Variants in ORC2 observed in about 807,000 individuals in gnomAD.
ORC2 encodes origin recognition complex protein 2 homolog.
ORC2 carries 37 observed loss-of-function variants against 77.7 expected under a neutral mutation model. That is an observed-to-expected ratio of 0.48 (90% confidence interval 0.37 to 0.63). The LOEUF is 0.63. ORC2 is among the 20% of genes least tolerant of loss of function. The pLI is 0.00. For missense variants in ORC2, 557 were observed against 661.9 expected, an observed-to-expected ratio of 0.84 and a Z score of 1.74; for synonymous variants, 201 against 229.5, an observed-to-expected ratio of 0.88 and a Z score of 1.12.
intron 4 of ORC2, among the ~76,000 whole-genome samples, chr2:200,954,238 T>G (rs866929023): frequency 6.6e-6 from 1 of 152,114 alleles, no homozygotes; most frequent in South Asian, 2.1e-4. Context: ...TTCGCCATGT[T>G]GGCCAGGCTG....
chr2:200,958,389 T>A lies in ORC2; in HGVS notation c.-10-256A>T, dbSNP rs1166679004. Reference sequence around the variant, plus strand: ...TCCAATCAAGGTAGCTAAAATATACTCAGAAAAATAAAATAAAATATTCTC... The same window carrying A: ...TCCAATCAAGGTAGCTAAAATATACACAGAAAAATAAAATAAAATATTCTC... On this transcript the variant is annotated intron_variant, in intron 2 of 17. Transcript: ENST00000234296. Among the ~76,000 whole-genome samples, 1 of 152,048 alleles carries A rather than the reference T, an allele frequency of 6.6e-6. No homozygotes were observed. The highest frequency in any genetic ancestry group is 2.1e-4 in the South Asian group (1 of 4,828).
intron 8 of ORC2, among the ~76,000 whole-genome samples, chr2:200,937,131 T>A (rs944431144): frequency 3.9e-5 from 6 of 152,152 alleles, no homozygotes; most frequent in African/African-American, 1.4e-4. Context: ...CTTCTTTACA[T>A]GTATGCTTCC....
In ORC2 at chr2:200,942,778, C is replaced by T. The variant is rs755233595; in HGVS notation, c.329-1G>A. 3.1e-6 allele frequency: 5 copies of T among 1,591,370 alleles called. No individual in the cohort carries two copies. Among genetic ancestry groups the T allele is most frequent in the Admixed American group, 1.7e-5 (1 of 58,688 alleles). The stretch of plus-strand genomic sequence containing the variant: ...TGTGGTGTTTTTGCTAGTTCTGAAG[C>T]TGTAAACAAAGAAATATATAAAAAC... On this transcript the variant is annotated splice_acceptor_variant, in intron 5 of 17. Coordinates refer to ENST00000234296, the MANE Select transcript of ORC2 (RefSeq NM_006190.5). LOFTEE classifies it high-confidence loss of function.
chr2:200,948,265 T>A (rs1184802981), intron 5 of ORC2, among the ~76,000 whole-genome samples: 1 of 152,032 alleles, frequency 6.6e-6, no homozygotes, highest in African/African-American at 2.4e-5. Context: ...CCCAGGCTGG[T>A]ACTGAACTAC....
At chr2:200,945,136 G>GT (rs1476339715) in intron 5 of ORC2, among the ~76,000 whole-genome samples, 1 of 152,144 alleles carries the variant, frequency 6.6e-6, no homozygotes, top group Non-Finnish European at 1.5e-5. Flanking sequence ...CCTTTGCTCT[G>GT]TATTAATCAT....
intron 7 of ORC2, among the ~76,000 whole-genome samples, chr2:200,940,251 T>G (rs1333408086): frequency 6.6e-6 from 1 of 152,214 alleles, no homozygotes. Flanking sequence ...ATTATCTTGC[T>G]GGAACATGTA....
chr2:200,959,567 G>A (rs2041531934), intron 1 of ORC2, 127 bp from the exon 2 acceptor site: 1 of 152,194 alleles, frequency 6.6e-6, no homozygotes, highest in Non-Finnish European at 1.5e-5. Flanking sequence ...CAAAGCCAAA[G>A]CTGTTGTAAT....
At chr2:200,929,896 G>A (rs1575162830) in intron 11 of ORC2, among the ~76,000 whole-genome samples, 3 of 152,246 alleles carry the variant, frequency 2.0e-5, no homozygotes, top group Admixed American at 2.0e-4. Context: ...AGGGGCAGGT[G>A]GGAACAGTGG....
chr2:200,938,840 G>C (rs987926656), intron 7 of ORC2, among the ~76,000 whole-genome samples: 2 of 152,050 alleles, frequency 1.3e-5, no homozygotes, highest in Non-Finnish European at 1.5e-5. Context: ...GGGAGTTTGA[G>C]ACCAGCCTGA....
intron 4 of ORC2, among the ~76,000 whole-genome samples, chr2:200,957,059 G>C (rs2041479235): frequency 1.3e-5 from 2 of 152,080 alleles, no homozygotes; most frequent in South Asian, 4.1e-4. Context: ...AATGCATGTG[G>C]GGCTTAAAAC....
At chr2:200,924,370 TC>T (rs2040809136) in intron 13 of ORC2, among the ~76,000 whole-genome samples, 1 of 152,048 alleles carries the variant, frequency 6.6e-6, no homozygotes, top group Admixed American at 6.6e-5. Flanking sequence ...ACGGTCCATT[TC>T]TATAAAGAAC....
Position 200,912,942 on chromosome 2 carries a change from C to G in ORC2, c.1647+353G>C, listed in dbSNP as rs188918843. 4.1e-3 allele frequency among the ~76,000 whole-genome samples: 619 copies of G among 152,334 alleles called. 1 individual carries two copies. Among genetic ancestry groups the G allele is most frequent in the Middle Eastern group, 0.02 (6 of 294 alleles). The stretch of plus-strand genomic sequence containing the variant: ...AAAGCAATCAGATTTTTGCTTACTA[C>G]TGTATCCTAATACTTAGTGCAATAT... On this transcript the variant is annotated intron_variant, in intron 17 of 17. Transcript: ENST00000234296.
chr2:200,913,752 T>G, intron 16 of ORC2, 179 bp downstream of exon 16: 1 of 1,387,286 alleles, frequency 7.2e-7, no homozygotes, highest in Non-Finnish European at 9.3e-7. Context: ...GCAAACACCT[T>G]GCTCAGCAGT....
intron 3 of ORC2, 49 bp from the exon 4 acceptor site, chr2:200,957,593 T>C (rs1668357675): frequency 1.5e-6 from 2 of 1,301,690 alleles, no homozygotes; most frequent in African/African-American, 3.0e-5. Flanking sequence ...AAATTCTTTC[T>C]AAACATTACA....
At chr2:200,913,236 C>T (rs2040581170) in intron 17 of ORC2, 59 bp downstream of exon 17, 1 of 1,295,524 alleles carries the variant, frequency 7.7e-7, no homozygotes, top group Non-Finnish European at 1.1e-6. Flanking sequence ...ATATATGTGT[C>T]CTTAAGTAAA....
chr2:200,950,083 A>G (rs2041323498), intron 4 of ORC2, among the ~76,000 whole-genome samples: 1 of 152,204 alleles, frequency 6.6e-6, no homozygotes, highest in African/African-American at 2.4e-5. Context: ...CTGTAATCCC[A>G]GCACTTTGGG....
intron 8 of ORC2, among the ~76,000 whole-genome samples, chr2:200,936,754 T>C (rs1196655958): frequency 6.6e-6 from 1 of 152,182 alleles, no homozygotes; most frequent in Non-Finnish European, 1.5e-5. Flanking sequence ...TCAAGAATTG[T>C]CTTTTTAAAC....
In ORC2 at chr2:200,925,818, G is replaced by C; in HGVS notation, c.1147+18C>G. The C allele has an allele frequency of 8.5e-7, 1 of 1,177,260 alleles. No individual in the cohort carries two copies. The highest frequency in any genetic ancestry group is 2.4e-5 in the East Asian group (1 of 42,190). 72.9% of individuals were successfully genotyped at this position (1,177,260 alleles called of 1,614,324 possible). A position where few individuals can be genotyped will look rare whatever the true frequency, so the allele number is the denominator to read the frequency against. ...CTTAACTTTACTCTAAAACTACCGA[G>C]CATCTACTTCATGTTACCTTCTTTA... is the stretch of plus-strand genomic sequence containing the variant. On this transcript the variant is annotated intron_variant, in intron 13 of 17. Coordinates refer to ENST00000234296, the MANE Select transcript of ORC2 (RefSeq NM_006190.5).
At chr2:200,914,347 T>TA (rs1222108979) in intron 15 of ORC2, among the ~76,000 whole-genome samples, 1 of 152,026 alleles carries the variant, frequency 6.6e-6, no homozygotes, top group African/African-American at 2.4e-5. Context: ...TTTGTATTTT[T>TA]AGTAGAGATG....
Sources: allele counts gnomAD v4.1 joint callset (sites outside exome capture counted in the v4.1 genomes callset), GRCh38; gene constraint gnomAD v4.1.1; transcripts MANE v1.5; gene names NCBI Gene and HGNC (gene_info 2026-07-23, HGNC 2026-07-21).